The following VAV3 variants were observed in gnomAD, a reference collection of about 807,000 sequenced individuals.
The protein encoded by VAV3 is vav guanine nucleotide exchange factor 3.
Under a neutral mutation model 131.2 loss-of-function variants are expected in VAV3, and 94 were observed. That is an observed-to-expected ratio of 0.72 (90% CI 0.61 to 0.85). The LOEUF is 0.85. Ranked by LOEUF, VAV3 falls within the 40% of genes least tolerant of loss-of-function variation. The probability of loss-of-function intolerance (pLI) is 0.00; values close to 1 mark genes in which losing one functional copy is unlikely to be tolerated. For synonymous variants in VAV3, 349 were observed against 342.0 expected, an observed-to-expected ratio of 1.02 and a Z score of -0.22; for missense variants, 939 against 1,002.7, an observed-to-expected ratio of 0.94 and a Z score of 0.86.
chr1:107,879,655 TTA>T (rs2101031872), intron 1 of VAV3, among the ~76,000 whole-genome samples: 1 of 152,296 alleles, frequency 6.6e-6, no homozygotes, highest in South Asian at 2.1e-4. Context: ...CAGAGATATT[TTA>T]TGAGTCAGAA....
chr1:107,884,924 T>C (rs1419045718), intron 1 of VAV3, among the ~76,000 whole-genome samples: 1 of 152,138 alleles, frequency 6.6e-6, no homozygotes, highest in East Asian at 1.9e-4. Flanking sequence ...GATTTTGGTA[T>C]CAATGGAAAT....
chr1:107,751,262 A>G, intron 12 of VAV3, 60 bp from the exon 13 acceptor site: 4 of 1,317,186 alleles, frequency 3.0e-6, no homozygotes, highest in Non-Finnish European at 4.3e-6. Flanking sequence ...AAAAACAAAT[A>G]TTAGTAGAGA....
intron 25 of VAV3, among the ~76,000 whole-genome samples, chr1:107,574,963 CTGTGTGTGTG>C (rs753834313): frequency 8.0e-4 from 65 of 81,178 alleles, no homozygotes; most frequent in African/African-American, 2.8e-3. Context: ...TTGAGTTTCT[CTGTGTGTGTG>C]TGTGTGTGTG....
intron 25 of VAV3, among the ~76,000 whole-genome samples, chr1:107,593,724 G>A (rs1294242176): frequency 6.6e-6 from 1 of 152,006 alleles, no homozygotes; most frequent in African/African-American, 2.4e-5. Context: ...TTCTTTAAGG[G>A]TGAGCTTTTA....
intron 25 of VAV3, among the ~76,000 whole-genome samples, chr1:107,594,139 A>G (rs1453366598): frequency 6.6e-6 from 1 of 152,062 alleles, no homozygotes; most frequent in Non-Finnish European, 1.5e-5. Flanking sequence ...TGCAATCATT[A>G]CCAACCTACA....
intron 21 of VAV3, among the ~76,000 whole-genome samples, chr1:107,613,923 C>T (rs1344125562): frequency 6.6e-6 from 1 of 152,082 alleles, no homozygotes; most frequent in Non-Finnish European, 1.5e-5. Context: ...GTGGAATAAT[C>T]TGGAATAATT....
rs575429843 is a variant in VAV3 at position 107,880,706 on chromosome 1, T to G, written c.205-5689A>C. 8.6e-4 allele frequency among the ~76,000 whole-genome samples: 130 copies of G among 151,450 alleles called. 1 individual carries two copies. In the South Asian group the frequency reaches 0.026, roughly 31 times the overall value. ...AGTTACTGGGGAGGCTGAGGCATGATAATCCCTTGAACCTGGGAAATGGAG... is the reference window on the plus strand; with the variant it reads ...AGTTACTGGGGAGGCTGAGGCATGAGAATCCCTTGAACCTGGGAAATGGAG... On this transcript the variant is annotated intron_variant, in intron 1 of 26. Coordinates refer to ENST00000370056, the MANE Select transcript of VAV3 (RefSeq NM_006113.5).
chr1:107,954,249 T>G (rs1674692058), intron 1 of VAV3, among the ~76,000 whole-genome samples: 1 of 152,120 alleles, frequency 6.6e-6, no homozygotes, highest in Non-Finnish European at 1.5e-5. Flanking sequence ...AGCACATCAT[T>G]TTAAACAACA....
chr1:107,962,738 A>T (rs1397517378), intron 1 of VAV3, among the ~76,000 whole-genome samples: 1 of 152,192 alleles, frequency 6.6e-6, no homozygotes, highest in African/African-American at 2.4e-5. Flanking sequence ...TTACAGGAGA[A>T]ACTGTACTTA....
intron 2 of VAV3, among the ~76,000 whole-genome samples, chr1:107,844,147 C>G (rs1380111842): frequency 6.6e-6 from 1 of 151,788 alleles, no homozygotes; most frequent in Non-Finnish European, 1.5e-5. Flanking sequence ...GCTGCTTAGA[C>G]AGTGGGTACA....
chr1:107,862,452 C>T (rs1470128536), intron 2 of VAV3, among the ~76,000 whole-genome samples: 2 of 151,454 alleles, frequency 1.3e-5, no homozygotes, highest in Non-Finnish European at 3.0e-5. Context: ...AAAGTGCCAT[C>T]CTCCTTTTCT....
chr1:107,950,002 C>T (rs1158193594), intron 1 of VAV3, among the ~76,000 whole-genome samples: 1 of 152,120 alleles, frequency 6.6e-6, no homozygotes, highest in East Asian at 1.9e-4. Flanking sequence ...TAAGCAGATG[C>T]TGTGAGCTGG....
chr1:107,645,268 A>T (rs1655652445), intron 19 of VAV3, among the ~76,000 whole-genome samples: 1 of 151,824 alleles, frequency 6.6e-6, no homozygotes, highest in East Asian at 1.9e-4. Flanking sequence ...TGTTTCTTCA[A>T]CTCATATGGT....
chr1:107,597,153 A>G, intron 24 of VAV3, among the ~76,000 whole-genome samples: 2 of 152,136 alleles, frequency 1.3e-5, no homozygotes, highest in East Asian at 3.9e-4. Flanking sequence ...ATCTGAAATG[A>G]AAATAAACGA....
chr1:107,666,791 TA>T (rs1428459946), intron 19 of VAV3, among the ~76,000 whole-genome samples: 1 of 152,136 alleles, frequency 6.6e-6, no homozygotes, highest in African/African-American at 2.4e-5. Flanking sequence ...TAGTATATAT[TA>T]ACTCGTTTAA....
At chr1:107,709,200 G>T (rs187091050) in intron 15 of VAV3, among the ~76,000 whole-genome samples, 1 of 152,052 alleles carries the variant, frequency 6.6e-6, no homozygotes, top group Non-Finnish European at 1.5e-5. Context: ...TTGTAAGTCC[G>T]CCTCCCCACT....
chr1:107,622,827 T>C (rs1653708514), intron 20 of VAV3, among the ~76,000 whole-genome samples: 1 of 152,154 alleles, frequency 6.6e-6, no homozygotes, highest in African/African-American at 2.4e-5. Flanking sequence ...ATGTACAGCA[T>C]GGCCATGAAT....
chr1:107,936,042 G>C (rs1053818381), intron 1 of VAV3, among the ~76,000 whole-genome samples: 1 of 152,210 alleles, frequency 6.6e-6, no homozygotes, highest in South Asian at 2.1e-4. Context: ...TTATGATTTG[G>C]GGAGAAAAGT....
At chr1:107,797,327 T>C (rs966759308) in intron 2 of VAV3, among the ~76,000 whole-genome samples, 4 of 152,210 alleles carry the variant, frequency 2.6e-5, no homozygotes, top group African/African-American at 9.7e-5. Flanking sequence ...TTTCATTTCA[T>C]CCTTCACTTA....
Sources: gnomAD v4.1 joint callset for allele counts (sites outside exome capture counted in the v4.1 genomes callset) on GRCh38, gnomAD v4.1.1 for gene constraint, MANE v1.5 for transcripts, NCBI Gene and HGNC (gene_info 2026-07-23, HGNC 2026-07-21) for gene names.